The following NEDD1 variants were observed in gnomAD, a reference collection of about 807,000 sequenced individuals.
NEDD1 encodes the protein NEDD1 gamma-tubulin ring complex targeting factor.
NEDD1 carries 33 observed loss-of-function variants against 74.0 expected under a neutral mutation model. The observed-to-expected ratio is 0.45, with a 90% confidence interval of 0.34 to 0.60. The LOEUF (loss-of-function observed/expected upper bound fraction) is 0.60. Among genes scored for constraint, NEDD1 ranks in the 20% least tolerant of loss-of-function variants. NEDD1 has a pLI of 0.01. For missense variants in NEDD1, 746 were observed against 776.5 expected (o/e 0.96, Z 0.47); for synonymous variants, 250 against 264.4 (o/e 0.95, Z 0.53).
chr12:96,918,587 T>C (rs1256225326), intron 5 of NEDD1, among the ~76,000 whole-genome samples: 2 of 152,224 alleles, frequency 1.3e-5, no homozygotes, highest in Non-Finnish European at 2.9e-5. Context: ...AAATTCGTAA[T>C]GTTTAGCTCC....
At chr12:96,936,563 C>CCTGT in intron 7 of NEDD1, 48 bp from the exon 8 acceptor site, 1 of 1,308,584 alleles carries the variant, frequency 7.6e-7, no homozygotes, top group Non-Finnish European at 1.1e-6. Context: ...AGCTAATATA[C>CCTGT]CTGTACACAC....
chr12:96,915,466 G>A (rs1237820178), intron 4 of NEDD1, among the ~76,000 whole-genome samples: 4 of 152,232 alleles, frequency 2.6e-5, no homozygotes, highest in Non-Finnish European at 5.9e-5. Flanking sequence ...AGTAAGAACA[G>A]TAGATCTAGT....
rs1000832639 is a variant in NEDD1 at position 96,914,868 on chromosome 12, A to G, written c.231+2051A>G. Among the ~76,000 whole-genome samples, 8 of 152,340 alleles carry G rather than the reference A, an allele frequency of 5.3e-5. No individual in the cohort carries two copies. In the East Asian group the frequency reaches 1.5e-3, roughly 29 times the overall value. On this transcript the variant is annotated intron_variant, in intron 4 of 15. Transcript: ENST00000266742. Reference sequence around the variant, plus strand: ...TTAATAATACATTATCATAAAAAAGACCTATCAACAGGGTTAGCCAGCTCT... The same window carrying G: ...TTAATAATACATTATCATAAAAAAGGCCTATCAACAGGGTTAGCCAGCTCT...
chr12:96,917,419 G>A (rs1874579188), intron 4 of NEDD1, among the ~76,000 whole-genome samples: 1 of 152,108 alleles, frequency 6.6e-6, no homozygotes, highest in Non-Finnish European at 1.5e-5. Context: ...TTTCCTTGAA[G>A]CATTTTTGAC....
chr12:96,939,277 AAATGATACCAAACTTCTGTTTCCT>A (rs2136597522), intron 9 of NEDD1, among the ~76,000 whole-genome samples: 1 of 152,176 alleles, frequency 6.6e-6, no homozygotes, highest in African/African-American at 2.4e-5. Flanking sequence ...CGCTGTTTTC[AAATGATACCAAACTTCTGTTTCCT>A]AAAGTTTCAG....
chr12:96,953,542 T>A lies in NEDD1; in HGVS notation c.*1489T>A, dbSNP rs571113059. 1 of 151,816 alleles carries A rather than the reference T, an allele frequency of 6.6e-6. No individual in the cohort carries two copies. Among genetic ancestry groups the A allele is most frequent in the South Asian group, 2.1e-4 (1 of 4,828 alleles). The allele number at this position is 151,816 out of a possible 1,614,324, so 9.4% of individuals were successfully genotyped here. ...TTTAAATCTATTAATATTTTCCTGT[T>A]GCTTTTTTAAAAAAATAAATACACA... On this transcript the variant is annotated 3_prime_UTR_variant, in exon 16 of 16. Coordinates refer to ENST00000266742, the MANE Select transcript of NEDD1 (RefSeq NM_152905.4).
chr12:96,932,942 C>T (rs1333721459), intron 6 of NEDD1, among the ~76,000 whole-genome samples: 2 of 150,690 alleles, frequency 1.3e-5, no homozygotes, highest in Admixed American at 6.6e-5. Context: ...CAGAGGTTTG[C>T]TGAGCGTCCA....
At chr12:96,943,087 T>A (rs994990104) in intron 11 of NEDD1, among the ~76,000 whole-genome samples, 3 of 152,008 alleles carry the variant, frequency 2.0e-5, no homozygotes, top group African/African-American at 7.2e-5. Flanking sequence ...CATATTACTT[T>A]TGTTAGAAGC....
At chr12:96,948,264 C>A (rs192554506) in intron 14 of NEDD1, among the ~76,000 whole-genome samples, 3 of 152,086 alleles carry the variant, frequency 2.0e-5, no homozygotes, top group African/African-American at 7.2e-5. Context: ...TTTACATGAG[C>A]GCTGAATGAA....
intron 4 of NEDD1, among the ~76,000 whole-genome samples, chr12:96,914,524 A>G (rs1049291834): frequency 1.3e-5 from 2 of 152,190 alleles, no homozygotes; most frequent in Non-Finnish European, 2.9e-5. Context: ...TTATGAAAAT[A>G]TTTGGAAACA....
intron 6 of NEDD1, among the ~76,000 whole-genome samples, chr12:96,921,025 A>G (rs981465857): frequency 2.0e-5 from 3 of 152,220 alleles, no homozygotes; most frequent in Admixed American, 6.5e-5. Context: ...AACAGCTGAG[A>G]GAAGACTATC....
At chr12:96,921,498 C>T (rs1017937311) in intron 6 of NEDD1, among the ~76,000 whole-genome samples, 63 of 152,086 alleles carry the variant, frequency 4.1e-4, no homozygotes, top group African/African-American at 1.4e-3. Flanking sequence ...GTCTTTTTCA[C>T]GTGTCCACAT....
At chr12:96,924,204 T>G (rs1425297817) in intron 6 of NEDD1, among the ~76,000 whole-genome samples, 1 of 152,236 alleles carries the variant, frequency 6.6e-6, no homozygotes, top group Non-Finnish European at 1.5e-5. Flanking sequence ...GTCGTTCTAT[T>G]TTGTTCCGTT....
intron 14 of NEDD1, among the ~76,000 whole-genome samples, chr12:96,949,873 CAGTTCCATGTAGATTAAA>C (rs1313603329): frequency 1.3e-5 from 2 of 151,980 alleles, no homozygotes; most frequent in Non-Finnish European, 2.9e-5. Context: ...TGAGAAAAAT[CAGTTCCATGTAGATTAAA>C]AGTTGACTTT....
At position 96,952,133 on chromosome 12, in the gene NEDD1, C is replaced by T; in HGVS notation, c.*80C>T. On this transcript the variant is annotated 3_prime_UTR_variant, in exon 16 of 16. Transcript: ENST00000266742. ...AACTACATAGAATCAGTATTGTTTT[C>T]ATGGCCTCCAGGGAAAAAATGTTTT... 1.3e-6 allele frequency: 1 copy of T among 752,268 alleles called. No individual in the cohort carries two copies. The highest frequency in any genetic ancestry group is 1.6e-5 in the South Asian group (1 of 63,292). The allele number at this position is 752,268 out of a possible 1,614,324, so 46.6% of individuals were successfully genotyped here.
chr12:96,937,362 G>A lies in NEDD1; in HGVS notation c.1086G>A (p.Gly362=), dbSNP rs754349416. Reference sequence around the variant, plus strand: ...CACAACCTATGACATCAGCTATGGGGAAAGGAACAGTTGCTGTTCAAGAAA... The same window carrying A: ...CACAACCTATGACATCAGCTATGGGAAAAGGAACAGTTGCTGTTCAAGAAA... The part of the protein sequence containing the change: ...VLPQPMTSAM[G]KGTVAVQEKA... The change falls in exon 9 of 16, where the codon GGG becomes GGA. Residue 362 remains glycine (G), a synonymous_variant. Coordinates refer to ENST00000266742, the MANE Select transcript of NEDD1 (RefSeq NM_152905.4). 1.2e-6 allele frequency: 2 copies of A among 1,606,326 alleles called. No homozygotes were observed. The highest frequency in any genetic ancestry group is 2.2e-5 in the East Asian group (1 of 44,524).
Position 96,953,503 on chromosome 12 carries a change from G to A in NEDD1, c.*1450G>A, listed in dbSNP as rs1001745678. Reference sequence around the variant, plus strand: ...GAAGACATAAATATTAGTGTGTTTTGCCTACATGGTGTATTTAAATCTATT... The same window carrying A: ...GAAGACATAAATATTAGTGTGTTTTACCTACATGGTGTATTTAAATCTATT... On this transcript the variant is annotated 3_prime_UTR_variant, in exon 16 of 16. Transcript: ENST00000266742. 1.3e-5 allele frequency: 2 copies of A among 151,152 alleles called. No individual in the cohort carries two copies. The highest frequency in any genetic ancestry group is 4.9e-5 in the African/African-American group (2 of 40,968). 9.4% of individuals were successfully genotyped at this position (151,152 alleles called of 1,614,324 possible).
chr12:96,939,380 A>G (rs765718570), intron 9 of NEDD1, among the ~76,000 whole-genome samples: 1 of 152,092 alleles, frequency 6.6e-6, no homozygotes, highest in African/African-American at 2.4e-5. Context: ...TCTTTGTAAC[A>G]ACTGAACTCT....
intron 3 of NEDD1, among the ~76,000 whole-genome samples, chr12:96,910,925 C>G (rs1873856428): frequency 1.3e-5 from 2 of 152,154 alleles, no homozygotes; most frequent in Non-Finnish European, 2.9e-5. Flanking sequence ...TAAAATGTGA[C>G]TGGTTCAGGA....
Sources: allele counts gnomAD v4.1 joint callset (sites outside exome capture counted in the v4.1 genomes callset), GRCh38; gene constraint gnomAD v4.1.1; transcripts MANE v1.5; gene names NCBI Gene and HGNC (gene_info 2026-07-23, HGNC 2026-07-21).